Variants in GALNT2 observed in about 807,000 individuals in gnomAD.
The protein encoded by GALNT2 is UDP-GalNAc:polypeptide N-acetylgalactosaminyltransferase 2.
In GALNT2, 31 loss-of-function variants were observed where a neutral mutation model predicts 81.4. The ratio of observed to expected loss-of-function variants is 0.38; its 90% CI spans 0.29 to 0.51. The LOEUF is 0.51. Ranked by LOEUF, GALNT2 falls within the 20% of genes least tolerant of loss-of-function variation. The pLI, the probability that GALNT2 is intolerant of heterozygous loss-of-function variation, is 0.87. For synonymous variants in GALNT2, 303 were observed against 287.4 expected (o/e 1.05, Z -0.55); for missense variants, 629 against 765.7 (o/e 0.82, Z 2.11).
intron 14 of GALNT2, among the ~76,000 whole-genome samples, chr1:230,272,471 C>T (rs539371187): frequency 6.6e-6 from 1 of 152,244 alleles, no homozygotes; most frequent in African/African-American, 2.4e-5. Context: ...ATTCATTTGA[C>T]CTAGAATCCG....
chr1:230,140,523 A>G (rs1468287634), intron 1 of GALNT2, among the ~76,000 whole-genome samples: 1 of 152,164 alleles, frequency 6.6e-6, no homozygotes, highest in African/African-American at 2.4e-5. Flanking sequence ...GTCCGTTGCT[A>G]TAGAAATCCA....
At chr1:230,147,137 G>C (rs971241710) in intron 1 of GALNT2, among the ~76,000 whole-genome samples, 8 of 152,114 alleles carry the variant, frequency 5.3e-5, no homozygotes, top group African/African-American at 1.9e-4. Context: ...TGAGGGGTGG[G>C]CAGTGCCAAG....
upstream of GALNT2, among the ~76,000 whole-genome samples, chr1:230,065,736 G>A (rs1243952230): frequency 6.6e-6 from 1 of 152,138 alleles, no homozygotes; most frequent in Non-Finnish European, 1.5e-5. Flanking sequence ...GGAGGGGACT[G>A]GCTGTCTTCT....
At chr1:230,123,759 G>A (rs1395149972) in intron 1 of GALNT2, among the ~76,000 whole-genome samples, 2 of 152,088 alleles carry the variant, frequency 1.3e-5, no homozygotes, top group African/African-American at 2.4e-5. Flanking sequence ...CTATATGATG[G>A]GTAGTGGAAA....
chr1:230,094,163 ATTTTTTTTTT>A lies in GALNT2; in HGVS notation c.126+26775_126+26784del, dbSNP rs58639878. ...CAGGTGTGTGCCACCATGCTGGCTAATTTTTTTTTTTTTTTTTTTTTTTTTTTGGTAGAGA... is the reference window on the plus strand; with the variant it reads ...CAGGTGTGTGCCACCATGCTGGCTAATTTTTTTTTTTTTTTTTGGTAGAGA... On this transcript the variant is annotated intron_variant, in intron 1 of 15. Transcript: ENST00000366672. Among the ~76,000 whole-genome samples, 470 of 119,356 alleles carry A rather than the reference ATTTTTTTTTT, an allele frequency of 3.9e-3. 4 individuals are homozygous for A. The highest frequency in any genetic ancestry group is 0.014 in the African/African-American group (431 of 30,956). 78.3% of individuals were successfully genotyped at this position (119,356 alleles called of 152,430 possible).
intron 14 of GALNT2, among the ~76,000 whole-genome samples, chr1:230,270,662 C>T (rs1198269058): frequency 2.0e-5 from 3 of 152,086 alleles, no homozygotes; most frequent in Non-Finnish European, 4.4e-5. Context: ...GCGTGTGACA[C>T]GGATGAGAAA....
intron 2 of GALNT2, among the ~76,000 whole-genome samples, chr1:230,200,414 A>T (rs1663853767): frequency 6.6e-6 from 1 of 152,026 alleles, no homozygotes. Flanking sequence ...TAGAACATGA[A>T]GTCCACAGCA....
chr1:230,150,251 C>T lies in GALNT2; in HGVS notation c.127-27967C>T, dbSNP rs529060472. On this transcript the variant is annotated intron_variant, in intron 1 of 15. Coordinates refer to ENST00000366672, the MANE Select transcript of GALNT2 (RefSeq NM_004481.5). ...CTCCGTGTGCTGCCGTTTTTCTGTACCGAAGCTTCCCTCTTTACCTCACCA... is the reference window on the plus strand; with the variant it reads ...CTCCGTGTGCTGCCGTTTTTCTGTATCGAAGCTTCCCTCTTTACCTCACCA... Among the ~76,000 whole-genome samples, 22 of 152,304 alleles carry T rather than the reference C, an allele frequency of 1.4e-4. No individual in the cohort carries two copies. The South Asian group carries it at 4.4e-3, about 30-fold the overall frequency.
At chr1:230,229,111 G>A (rs771163161) in intron 3 of GALNT2, among the ~76,000 whole-genome samples, 2 of 152,134 alleles carry the variant, frequency 1.3e-5, no homozygotes, top group African/African-American at 2.4e-5. Context: ...GTCACAGTTT[G>A]AAAACTCAAA....
Position 230,236,088 on chromosome 1 carries a change from C to T in GALNT2, c.449C>T (p.Ser150Leu). 6.2e-7 allele frequency: 1 copy of T among 1,614,040 alleles called. No individual in the cohort carries two copies. The highest frequency in any genetic ancestry group is 8.5e-7 in the Non-Finnish European group (1 of 1,180,012). ...ATCACGTTTCACAATGAAGCCAGGT[C>T]GGCCCTACTCAGGACCGTGGTCAGG... Reference protein sequence around the residue: ...VVITFHNEARSALLRTVVSVL... With the variant: ...VVITFHNEARLALLRTVVSVL... The change falls in exon 4 of 16, where the codon TCG becomes TTG. Residue 150 changes from serine to leucine, a missense_variant. Coordinates refer to ENST00000366672, the MANE Select transcript of GALNT2 (RefSeq NM_004481.5).
At position 230,275,017 on chromosome 1, in the gene GALNT2, C is replaced by T. The variant is rs1666249928; in HGVS notation, c.1560+453C>T. Among the ~76,000 whole-genome samples, 1 of 151,028 alleles carries T rather than the reference C, an allele frequency of 6.6e-6. No homozygotes were observed. Among genetic ancestry groups the T allele is most frequent in the Non-Finnish European group, 1.5e-5 (1 of 67,764 alleles). ...TACATATATACATGCCACATATATA[C>T]ATATATACACGCCACATATATACAC... On this transcript the variant is annotated intron_variant, in intron 15 of 15. Transcript: ENST00000366672. The surrounding 1 kb of genome is among the most constrained non-coding windows in gnomAD (Gnocchi z 5.5).
chr1:230,123,173 G>GA (rs1661073353), intron 1 of GALNT2, among the ~76,000 whole-genome samples: 1 of 152,190 alleles, frequency 6.6e-6, no homozygotes, highest in African/African-American at 2.4e-5. Flanking sequence ...AGCCTTAGGA[G>GA]AAATTATACT....
At chr1:230,060,900 GCTCTCTCTCTCCTCTGCTTCTCTCTTT>G (rs1558264862) in intron 1 of GALNT2, among the ~76,000 whole-genome samples, 1 of 152,036 alleles carries the variant, frequency 6.6e-6, no homozygotes, top group Non-Finnish European at 1.5e-5. Context: ...TTAACATTGT[GCTCTCTCTCTCCTCTGCTTCTCTCTTT>G]CTCTCTCTCT....
chr1:230,170,954 C>T (rs1384216414), intron 1 of GALNT2, among the ~76,000 whole-genome samples: 1 of 152,174 alleles, frequency 6.6e-6, no homozygotes, highest in Non-Finnish European at 1.5e-5. Context: ...GACAGCTATC[C>T]AGATGAAATC....
chr1:230,214,955 G>A (rs2102717005), intron 3 of GALNT2, among the ~76,000 whole-genome samples: 1 of 152,234 alleles, frequency 6.6e-6, no homozygotes, highest in South Asian at 2.1e-4. Flanking sequence ...GTTTTGTTGT[G>A]TATGAATAAA....
intron 1 of GALNT2, among the ~76,000 whole-genome samples, chr1:230,074,294 T>C (rs949637335): frequency 6.6e-6 from 1 of 152,186 alleles, no homozygotes; most frequent in African/African-American, 2.4e-5. Context: ...GGTTTCACTA[T>C]GTTGCCCAGG....
chr1:230,223,405 T>C (rs1218349419), intron 3 of GALNT2, among the ~76,000 whole-genome samples: 2 of 152,118 alleles, frequency 1.3e-5, no homozygotes, highest in African/African-American at 4.8e-5. Flanking sequence ...ACATATATTT[T>C]GATTTTTAAG....
chr1:230,071,712 T>C (rs920855240), intron 1 of GALNT2, among the ~76,000 whole-genome samples: 4 of 152,142 alleles, frequency 2.6e-5, no homozygotes, highest in African/African-American at 9.7e-5. Flanking sequence ...AAAGTCCACT[T>C]CAAATGAGAG....
At chr1:230,261,259 G>A (rs1158758104) in intron 11 of GALNT2, among the ~76,000 whole-genome samples, 1 of 152,012 alleles carries the variant, frequency 6.6e-6, no homozygotes, top group Non-Finnish European at 1.5e-5. Flanking sequence ...ATGGATAATA[G>A]TCCATATTCT....
Sources: gnomAD v4.1 joint callset for allele counts (sites outside exome capture counted in the v4.1 genomes callset) on GRCh38, gnomAD v4.1.1 for gene constraint, Gnocchi (gnomAD v3.1) non-coding constraint, MANE v1.5 for transcripts, NCBI Gene and HGNC (gene_info 2026-07-23, HGNC 2026-07-21) for gene names.